The following TMEM45B variants were observed in gnomAD, a reference collection of about 807,000 sequenced individuals.
TMEM45B encodes the protein transmembrane protein 45B.
In TMEM45B, 29 loss-of-function variants were observed where a neutral mutation model predicts 27.3. The observed-to-expected ratio is 1.06, with a 90% CI of 0.79 to 1.45. The LOEUF is 1.45. TMEM45B is among the 40% of genes most tolerant of loss of function. The probability of loss-of-function intolerance (pLI) is 0.00; values close to 1 mark genes in which losing one functional copy is unlikely to be tolerated. For synonymous variants in TMEM45B, 143 were observed against 134.7 expected (o/e 1.06, Z -0.43); for missense variants, 348 against 343.9 (o/e 1.01, Z -0.09).
chr11:129,854,861 C>A lies in TMEM45B; in HGVS notation c.385+45C>A. 3 of 1,588,152 alleles carry A rather than the reference C, an allele frequency of 1.9e-6. No individual in the cohort carries two copies. In the South Asian group the frequency reaches 3.3e-5, roughly 18 times the overall value. ...GGAGAGGAAGGAGAGCCTGACAAGTCATATTTATGAAGGATCAGAGTACAA... is the reference window on the plus strand; with the variant it reads ...GGAGAGGAAGGAGAGCCTGACAAGTAATATTTATGAAGGATCAGAGTACAA... On this transcript the variant is annotated intron_variant, in intron 3 of 5. Coordinates refer to ENST00000281441, the MANE Select transcript of TMEM45B (RefSeq NM_138788.5).
intron 5 of TMEM45B, among the ~76,000 whole-genome samples, chr11:129,858,216 T>A (rs1368594007): frequency 6.6e-6 from 1 of 152,130 alleles, no homozygotes; most frequent in Non-Finnish European, 1.5e-5. Flanking sequence ...AAGCAGAATA[T>A]TAGGTTGGTG....
At chr11:129,851,560 T>TAAAAAAAAAAAAAAAA (rs1555073025) in intron 1 of TMEM45B, among the ~76,000 whole-genome samples, 10 of 88,886 alleles carry the variant, frequency 1.1e-4, no homozygotes, top group African/African-American at 2.1e-4. Context: ...AAAAAAAAAG[T>TAAAAAAAAAAAAAAAA]CCCCTTCTCT....
intron 1 of TMEM45B, among the ~76,000 whole-genome samples, chr11:129,832,132 A>C (rs1447246209): frequency 6.8e-6 from 1 of 146,780 alleles, no homozygotes; most frequent in Non-Finnish European, 1.5e-5. Context: ...GCACTTTGGG[A>C]TGCTGAGGCA....
chr11:129,855,935 A>C, intron 4 of TMEM45B, 43 bp downstream of exon 4: 2 of 1,604,422 alleles, frequency 1.2e-6, no homozygotes, highest in South Asian at 1.1e-5. Context: ...TGGATGGAGA[A>C]GCCCCCACCG....
intron 4 of TMEM45B, 26 bp downstream of exon 4, chr11:129,855,918 G>A (rs767943032): frequency 4.8e-5 from 78 of 1,612,482 alleles, no homozygotes; most frequent in East Asian, 1.3e-4. Context: ...CAGGCCCCTC[G>A]CTGGTCTGGA....
intron 1 of TMEM45B, among the ~76,000 whole-genome samples, chr11:129,845,136 A>G (rs1291560220): frequency 2.0e-5 from 3 of 152,176 alleles, no homozygotes; most frequent in Non-Finnish European, 4.4e-5. Flanking sequence ...AATCTTAAAA[A>G]CTTTATAACA....
At chr11:129,824,796 G>A (rs1422019410) in intron 1 of TMEM45B, among the ~76,000 whole-genome samples, 1 of 152,218 alleles carries the variant, frequency 6.6e-6, no homozygotes, top group Non-Finnish European at 1.5e-5. Context: ...TATGTATGAG[G>A]TCCTTTGAAA....
chr11:129,847,395 G>A (rs1403469741), intron 1 of TMEM45B, among the ~76,000 whole-genome samples: 1 of 86,432 alleles, frequency 1.2e-5, no homozygotes, highest in African/African-American at 3.6e-5. Context: ...TTTTTTAAAA[G>A]CTTATGAAGT....
At chr11:129,840,948 A>T (rs1316804437) in intron 1 of TMEM45B, among the ~76,000 whole-genome samples, 1 of 131,290 alleles carries the variant, frequency 7.6e-6, no homozygotes, top group Non-Finnish European at 1.7e-5. Flanking sequence ...TCTTTCTGTA[A>T]AAAAAAAAAA....
intron 1 of TMEM45B, among the ~76,000 whole-genome samples, chr11:129,851,047 GAAC>G (rs778903450): frequency 2.0e-5 from 3 of 152,168 alleles, no homozygotes; most frequent in East Asian, 1.9e-4. Flanking sequence ...AATTTATAAA[GAAC>G]AACAATTTAT....
intron 2 of TMEM45B, among the ~76,000 whole-genome samples, chr11:129,853,171 G>A (rs573527138): frequency 4.7e-4 from 72 of 152,276 alleles, no homozygotes; most frequent in African/African-American, 1.7e-3. Flanking sequence ...GCAGCAGAGG[G>A]CTGTTGAAGA....
chr11:129,836,422 G>A (rs1947620712), intron 1 of TMEM45B, among the ~76,000 whole-genome samples: 1 of 152,146 alleles, frequency 6.6e-6, no homozygotes, highest in Admixed American at 6.5e-5. Flanking sequence ...GTAGGGATGG[G>A]GATAAGTGTA....
At chr11:129,817,135 C>G (rs1012840790) in intron 1 of TMEM45B, among the ~76,000 whole-genome samples, 1 of 152,142 alleles carries the variant, frequency 6.6e-6, no homozygotes, top group Non-Finnish European at 1.5e-5. Context: ...CTCCTAGGGT[C>G]GCATAGCCTT....
chr11:129,823,692 G>C (rs565846007), intron 1 of TMEM45B, among the ~76,000 whole-genome samples: 1 of 152,092 alleles, frequency 6.6e-6, no homozygotes, highest in Non-Finnish European at 1.5e-5. Flanking sequence ...ATAGCTATAA[G>C]AAAACAAACT....
At chr11:129,824,197 A>G (rs1318000598) in intron 1 of TMEM45B, among the ~76,000 whole-genome samples, 1 of 152,198 alleles carries the variant, frequency 6.6e-6, no homozygotes, top group East Asian at 1.9e-4. Context: ...AACAGTAACT[A>G]AACTACAGTG....
rs1425091665 is a variant in TMEM45B at position 129,857,382 on chromosome 11, T to A, written c.640T>A (p.Phe214Ile). 1 of 1,614,192 alleles carries A rather than the reference T, an allele frequency of 6.2e-7. No individual in the cohort carries two copies. Among genetic ancestry groups the A allele is most frequent in the South Asian group, 1.1e-5 (1 of 91,088 alleles). The change falls in exon 5 of 6, where the codon TTC (phenylalanine) becomes ATC (isoleucine). Residue 214 changes from phenylalanine (F) to isoleucine (I), a missense_variant. By Grantham distance (21) the Phe-to-Ile change is conservative (BLOSUM62 0). Coordinates refer to ENST00000281441, the MANE Select transcript of TMEM45B (RefSeq NM_138788.5). ...CCAGAAGGATGATGCCAACCTCATG[T>A]TCATCACCATGTGCTTCTGCTGGCA... ...WDQKDDANLM[F>I]ITMCFCWHYL...
In TMEM45B at chr11:129,842,820, G is replaced by A. The variant is rs58799710; in HGVS notation, c.-8-9655G>A. Among the ~76,000 whole-genome samples, 9 of 152,286 alleles carry A rather than the reference G, an allele frequency of 5.9e-5. 1 individual carries two copies. In the East Asian group the frequency reaches 1.7e-3, roughly 29 times the overall value. The stretch of plus-strand genomic sequence containing the variant: ...GAGTAGGATTGCATCAAAGTAAAAA[G>A]CTTTTGCATAGCAAAGAAAACCATG... On this transcript the variant is annotated intron_variant, in intron 1 of 5. Transcript: ENST00000281441.
intron 1 of TMEM45B, among the ~76,000 whole-genome samples, chr11:129,830,666 T>A (rs1337776838): frequency 1.3e-5 from 2 of 152,248 alleles, no homozygotes; most frequent in African/African-American, 2.4e-5. Context: ...GGCAATGTAT[T>A]TGAGTAGGCA....
At chr11:129,822,681 C>T (rs545039043) in intron 1 of TMEM45B, among the ~76,000 whole-genome samples, 1 of 152,282 alleles carries the variant, frequency 6.6e-6, no homozygotes, top group African/African-American at 2.4e-5. Context: ...GTGTCCTTGA[C>T]TCCGCCTGCA....
Sources: allele counts gnomAD v4.1 joint callset (sites outside exome capture counted in the v4.1 genomes callset), GRCh38; gene constraint gnomAD v4.1.1; transcripts MANE v1.5; gene names NCBI Gene and HGNC (gene_info 2026-07-23, HGNC 2026-07-21).